The following NFIB variants were observed in gnomAD, a reference collection of about 807,000 sequenced individuals.
The protein encoded by NFIB is nuclear factor I B.
In NFIB, 11 loss-of-function variants were observed where a neutral mutation model predicts 61.5. The ratio of observed to expected loss-of-function variants is 0.18; its 90% CI spans 0.11 to 0.30. The LOEUF is 0.30. Ranked by LOEUF, NFIB falls within the 10% of genes least tolerant of loss-of-function variation. NFIB has a pLI of 1.00. For missense variants in NFIB, 471 were observed against 608.9 expected, an observed-to-expected ratio of 0.77 and a Z score of 2.38; for synonymous variants, 260 against 216.5, an observed-to-expected ratio of 1.20 and a Z score of -1.76.
intron 6 of NFIB, among the ~76,000 whole-genome samples, chr9:14,128,564 G>C (rs982161810): frequency 6.6e-6 from 1 of 151,974 alleles, no homozygotes; most frequent in Non-Finnish European, 1.5e-5. Context: ...TGGGCGTGGT[G>C]GTGGGCACCT....
At position 14,307,735 on chromosome 9, in the gene NFIB, G is replaced by A. The variant is rs1323893034; in HGVS notation, c.31-215C>T. On this transcript the variant is annotated intron_variant, in intron 1 of 10. Transcript: ENST00000380953. This position sits in a 1 kb window ranked among gnomAD's most constrained non-coding sequence, Gnocchi z 5.3. ...GTCCCCTTTCCACCAAAATTCACAG[G>A]TCAATTCTCCCTCCTATAAAGGAAA... Among the ~76,000 whole-genome samples, 1 of 152,012 alleles carries A rather than the reference G, an allele frequency of 6.6e-6. No individual in the cohort carries two copies. The highest frequency in any genetic ancestry group is 2.4e-5 in the African/African-American group (1 of 41,390).
chr9:14,444,519 G>A, the NFIB span, among the ~76,000 whole-genome samples: 1 of 152,138 alleles, frequency 6.6e-6, no homozygotes, highest in Admixed American at 6.5e-5. Flanking sequence ...CTAAATAAGA[G>A]TGAATTATCC....
chr9:14,505,468 G>A, the NFIB span, among the ~76,000 whole-genome samples: 2 of 152,158 alleles, frequency 1.3e-5, no homozygotes, highest in African/African-American at 4.8e-5. Context: ...CCAGGAGGAG[G>A]CAGCAGTCAG....
chr9:14,284,781 C>T (rs67838511), intron 2 of NFIB, among the ~76,000 whole-genome samples: 14,893 of 152,182 alleles, frequency 0.098, 1,057 homozygotes, highest in East Asian at 0.22. Flanking sequence ...AACCATTAAT[C>T]TAGCATAGGG....
At chr9:14,122,920 A>T (rs1463715768) in intron 7 of NFIB, among the ~76,000 whole-genome samples, 1 of 152,198 alleles carries the variant, frequency 6.6e-6, no homozygotes, top group East Asian at 1.9e-4. Context: ...AAAAATGACT[A>T]CCTTTTCCAT....
At position 14,345,844 on chromosome 9, in the gene NFIB, G is replaced by A. The variant is rs189045905; in HGVS notation, c.109-38324C>T. ...CCCTCACACCCCTCCCTCTTCAAAC[G>A]GCCTTTCAAAGATGACTTAGGGGTT... On this transcript the variant is annotated intron_variant, in intron 1 of 8. Transcript: ENST00000380934. 3.2e-3 allele frequency among the ~76,000 whole-genome samples: 494 copies of A among 152,174 alleles called. 2 individuals are homozygous for A. The highest frequency in any genetic ancestry group is 0.011 in the African/African-American group (470 of 41,524).
the NFIB span, among the ~76,000 whole-genome samples, chr9:14,461,059 A>C: frequency 6.6e-6 from 1 of 152,042 alleles, no homozygotes; most frequent in Non-Finnish European, 1.5e-5. Context: ...ATTAGATATC[A>C]AGTCTCCCTG....
intron 1 of NFIB, among the ~76,000 whole-genome samples, chr9:14,395,795 T>A (rs148016208): frequency 1.6e-5 from 2 of 128,480 alleles, no homozygotes; most frequent in East Asian, 5.6e-4. Context: ...TTTGGTGACA[T>A]CACAGATAGC....
intron 2 of NFIB, among the ~76,000 whole-genome samples, chr9:14,196,833 C>G (rs746073980): frequency 6.6e-6 from 1 of 152,088 alleles, no homozygotes; most frequent in Non-Finnish European, 1.5e-5. Flanking sequence ...TAACTTTGAT[C>G]TTTGGCTTCT....
the NFIB span, among the ~76,000 whole-genome samples, chr9:14,523,131 T>A: frequency 6.6e-6 from 1 of 151,998 alleles, no homozygotes; most frequent in Non-Finnish European, 1.5e-5. Context: ...CTCTCAAATT[T>A]ACTTCATGAG....
intron 1 of NFIB, among the ~76,000 whole-genome samples, chr9:14,377,894 G>A (rs1469666569): frequency 6.6e-6 from 1 of 152,058 alleles, no homozygotes; most frequent in African/African-American, 2.4e-5. Flanking sequence ...CCCCACTTAC[G>A]CCTATTTTCC....
chr9:14,123,256 A>G (rs1340364185), intron 7 of NFIB, among the ~76,000 whole-genome samples: 2 of 151,890 alleles, frequency 1.3e-5, no homozygotes, highest in East Asian at 3.9e-4. Context: ...TCTCAAAAAA[A>G]AAAAGAAAAG....
At chr9:14,322,643 G>C (rs1031993250) in intron 1 of NFIB, among the ~76,000 whole-genome samples, 27 of 152,056 alleles carry the variant, frequency 1.8e-4, no homozygotes, top group African/African-American at 5.8e-4. Flanking sequence ...GCTTCCGCCT[G>C]GCGGCGGGAA....
At chr9:14,115,667 CCTAATA>C (rs2038018927) in intron 9 of NFIB, among the ~76,000 whole-genome samples, 1 of 152,214 alleles carries the variant, frequency 6.6e-6, no homozygotes, top group Admixed American at 6.5e-5. Context: ...CTTACATGTG[CCTAATA>C]CTAAGTTTTG....
chr9:14,315,912 G>A (rs983330825), upstream of NFIB, among the ~76,000 whole-genome samples: 1 of 151,804 alleles, frequency 6.6e-6, no homozygotes, highest in African/African-American at 2.4e-5. Context: ...GTCCTCGCGG[G>A]CCCATCCCCA....
intron 2 of NFIB, among the ~76,000 whole-genome samples, chr9:14,252,936 T>TGGAAGGAAGGAAAGGAGGGA (rs2055813042): frequency 8.8e-6 from 1 of 113,246 alleles, no homozygotes. Context: ...GATGGATGCA[T>TGGAAGGAAGGAAAGGAGGGA]GGAAGGAAGG....
chr9:14,331,051 G>A (rs1223856611), intron 1 of NFIB, among the ~76,000 whole-genome samples: 1 of 152,058 alleles, frequency 6.6e-6, no homozygotes. Context: ...TAGGCCAATG[G>A]CAGCACTTTA....
the NFIB span, among the ~76,000 whole-genome samples, chr9:14,423,445 T>C: frequency 1.3e-5 from 2 of 152,224 alleles, no homozygotes; most frequent in African/African-American, 4.8e-5. Flanking sequence ...AGCCCACATG[T>C]GGCTGCACAT....
At chr9:14,303,759 CT>C (rs931392538) in intron 2 of NFIB, among the ~76,000 whole-genome samples, 16 of 151,946 alleles carry the variant, frequency 1.1e-4, no homozygotes, top group African/African-American at 1.9e-4. Flanking sequence ...CAGTGTCTGC[CT>C]TTTTTTTCCC....
Sources: allele counts gnomAD v4.1 joint callset (sites outside exome capture counted in the v4.1 genomes callset), GRCh38; gene constraint gnomAD v4.1.1; non-coding constraint Gnocchi (gnomAD v3.1); transcripts MANE v1.5; gene names NCBI Gene and HGNC (gene_info 2026-07-23, HGNC 2026-07-21).